The following MBD5 variants were observed in gnomAD, a reference collection of about 807,000 sequenced individuals.
The protein encoded by MBD5 is methyl-CpG binding domain protein 5.
In MBD5, 13 loss-of-function variants were observed where a neutral mutation model predicts 117.3. The observed-to-expected ratio is 0.11, with a 90% CI of 0.07 to 0.18. The LOEUF is 0.18. MBD5 is among the 10% of genes least tolerant of loss of function. The pLI is 1.00. For missense variants in MBD5, 1,879 were observed against 2,093.8 expected (o/e 0.90, Z 2.00); for synonymous variants, 727 against 766.4 (o/e 0.95, Z 0.85).
intron 4 of MBD5, among the ~76,000 whole-genome samples, chr2:148,386,865 T>G (rs1441703496): frequency 6.6e-6 from 1 of 151,088 alleles, no homozygotes. Flanking sequence ...CTCAAGAAAA[T>G]ATTGAAAGCT....
At chr2:148,278,473 C>T (rs1174208168) in intron 3 of MBD5, among the ~76,000 whole-genome samples, 1 of 151,996 alleles carries the variant, frequency 6.6e-6, no homozygotes, top group African/African-American at 2.4e-5. Context: ...ATGTGAAAGT[C>T]TCTCACTGTG....
chr2:148,390,843 G>A (rs1029318684), intron 4 of MBD5, among the ~76,000 whole-genome samples: 1 of 152,066 alleles, frequency 6.6e-6, no homozygotes, highest in African/African-American at 2.4e-5. Flanking sequence ...AATCAGGCGT[G>A]AGCCACTGTG....
chr2:148,225,069 T>C (rs944986399), intron 2 of MBD5, among the ~76,000 whole-genome samples: 1 of 152,142 alleles, frequency 6.6e-6, no homozygotes, highest in Non-Finnish European at 1.5e-5. Flanking sequence ...TTACATTCAG[T>C]TTCTTTATTG....
intron 3 of MBD5, among the ~76,000 whole-genome samples, chr2:148,337,550 A>G (rs1351288758): frequency 1.3e-5 from 2 of 152,192 alleles, no homozygotes; most frequent in African/African-American, 4.8e-5. Context: ...CTCTGGAAGG[A>G]TGTATGAAAG....
chr2:148,125,849 A>G (rs879571787), intron 1 of MBD5, among the ~76,000 whole-genome samples: 18 of 152,222 alleles, frequency 1.2e-4, no homozygotes, highest in Non-Finnish European at 2.5e-4. Context: ...ATGCTATAAA[A>G]TGTTTTGTTT....
chr2:148,473,554 A>G (rs1209975561), intron 8 of MBD5, among the ~76,000 whole-genome samples: 1 of 152,184 alleles, frequency 6.6e-6, no homozygotes, highest in African/African-American at 2.4e-5. Flanking sequence ...TAAGACATTA[A>G]CAAGATAAGA....
At chr2:148,512,843 G>T in intron 13 of MBD5, 27 bp from the exon 14 acceptor site, 1 of 1,591,402 alleles carries the variant, frequency 6.3e-7, no homozygotes, top group Middle Eastern at 1.7e-4. Context: ...TGTTGTTGTT[G>T]TTTTTTTTCT....
chr2:148,477,202 A>G (rs554924319), intron 8 of MBD5, among the ~76,000 whole-genome samples: 1 of 152,244 alleles, frequency 6.6e-6, no homozygotes, highest in African/African-American at 2.4e-5. Context: ...CTTGATAGTC[A>G]TAACTACACA....
chr2:148,200,955 A>C (rs1483303044), intron 2 of MBD5, among the ~76,000 whole-genome samples: 1 of 152,138 alleles, frequency 6.6e-6, no homozygotes, highest in African/African-American at 2.4e-5. Context: ...TTTATTTGTT[A>C]ATTCATTCAT....
chr2:148,219,267 C>T (rs1699626895), intron 2 of MBD5, among the ~76,000 whole-genome samples: 1 of 152,156 alleles, frequency 6.6e-6, no homozygotes, highest in South Asian at 2.1e-4. Flanking sequence ...TCTTGTCTCA[C>T]TGGAAGGATC....
At chr2:148,324,879 G>C (rs954098469) in intron 3 of MBD5, among the ~76,000 whole-genome samples, 2 of 152,108 alleles carry the variant, frequency 1.3e-5, no homozygotes, top group East Asian at 1.9e-4. Context: ...ATGTTGAATA[G>C]GAGTGGTGAG....
intron 4 of MBD5, among the ~76,000 whole-genome samples, chr2:148,353,701 C>T (rs999831044): frequency 6.6e-6 from 1 of 152,040 alleles, no homozygotes; most frequent in African/African-American, 2.4e-5. Context: ...CCACCTCAGC[C>T]TCCCAAGTAC....
chr2:148,037,926 G>C (rs924403122), intron 1 of MBD5, among the ~76,000 whole-genome samples: 2 of 151,960 alleles, frequency 1.3e-5, no homozygotes, highest in Admixed American at 1.3e-4. Context: ...AGAACAAACA[G>C]TTCTTTTCAG....
chr2:148,205,212 G>A (rs561926479), intron 2 of MBD5, among the ~76,000 whole-genome samples: 2 of 151,898 alleles, frequency 1.3e-5, no homozygotes, highest in African/African-American at 4.8e-5. Context: ...AAGTAGCTGG[G>A]GATTACAGGC....
intron 4 of MBD5, among the ~76,000 whole-genome samples, chr2:148,429,379 A>G (rs1705911298): frequency 6.6e-6 from 1 of 151,892 alleles, no homozygotes. Context: ...AGAAATAGGA[A>G]CACTTTTATA....
chr2:148,490,314 C>G lies in MBD5; in HGVS notation c.4682C>G (p.Ser1561Cys), dbSNP rs1574485666. 1 of 1,614,140 alleles carries G rather than the reference C, an allele frequency of 6.2e-7. No homozygotes were observed. Among genetic ancestry groups the G allele is most frequent in the South Asian group, 1.1e-5 (1 of 91,078 alleles). ...SPSSSNSLEN[S>C]LVKDYIHYNG... Reference sequence around the variant, plus strand: ...AGTTCCTCAAATAGTTTGGAAAATTCTCTGGTCAAAGACTACATCCATTAC... The same window carrying G: ...AGTTCCTCAAATAGTTTGGAAAATTGTCTGGTCAAAGACTACATCCATTAC... Residue 1561 changes from serine to cysteine, a missense_variant, in exon 11 of 14, where the codon TCT (serine) becomes TGT (cysteine). Ser to Cys is a moderately radical substitution (Grantham distance 112). Coordinates refer to ENST00000642680, the MANE Select transcript of MBD5 (RefSeq NM_001378120.1).
chr2:148,319,583 T>C (rs918456149), intron 3 of MBD5, among the ~76,000 whole-genome samples: 1 of 152,204 alleles, frequency 6.6e-6, no homozygotes, highest in African/African-American at 2.4e-5. Context: ...GAAATGCTAC[T>C]GATATCTGTA....
chr2:148,510,301 AAAAAG>A (rs1435047774), intron 13 of MBD5, among the ~76,000 whole-genome samples, 166 bp downstream of exon 13: 14 of 152,254 alleles, frequency 9.2e-5, no homozygotes, highest in African/African-American at 3.1e-4. Context: ...GTCATTTAAG[AAAAAG>A]AAACCTACCA....
chr2:148,448,560 A>C (rs921651574), intron 4 of MBD5, among the ~76,000 whole-genome samples: 1 of 151,946 alleles, frequency 6.6e-6, no homozygotes, highest in Admixed American at 6.6e-5. Flanking sequence ...ATAAAGTATA[A>C]ATTACTTTAC....
Sources: gnomAD v4.1 joint callset for allele counts (sites outside exome capture counted in the v4.1 genomes callset) on GRCh38, gnomAD v4.1.1 for gene constraint, MANE v1.5 for transcripts, NCBI Gene and HGNC (gene_info 2026-07-23, HGNC 2026-07-21) for gene names.